The following DPP10 variants were observed in gnomAD, a reference collection of about 807,000 sequenced individuals.
DPP10 encodes the protein inactive dipeptidyl peptidase 10.
A neutral mutation model predicts 120.9 loss-of-function variants in DPP10; 33 were observed. That is an observed-to-expected ratio of 0.27 (90% CI 0.21 to 0.37). The LOEUF is 0.37. Ranked by LOEUF, DPP10 falls within the 10% of genes least tolerant of loss-of-function variation. The pLI, the probability that DPP10 is intolerant of heterozygous loss-of-function variation, is 1.00. For missense variants in DPP10, 816 were observed against 942.8 expected, an observed-to-expected ratio of 0.87 and a Z score of 1.76; for synonymous variants, 337 against 326.1, an observed-to-expected ratio of 1.03 and a Z score of -0.36.
intron 1 of DPP10, among the ~76,000 whole-genome samples, chr2:114,690,835 A>T (rs756230153): frequency 6.6e-6 from 1 of 151,514 alleles, no homozygotes; most frequent in Non-Finnish European, 1.5e-5. Context: ...AGCAGTTTTG[A>T]ATGGGAGTTC....
intron 1 of DPP10, among the ~76,000 whole-genome samples, chr2:115,006,250 A>C (rs1014043414): frequency 7.9e-5 from 12 of 152,246 alleles, no homozygotes; most frequent in African/African-American, 2.2e-4. Flanking sequence ...CCGGTACCAG[A>C]CACTGCAAAA....
At position 115,498,846 on chromosome 2, in the gene DPP10, A is replaced by G. The variant is rs188710866; in HGVS notation, c.272-664A>G. 4.6e-5 allele frequency among the ~76,000 whole-genome samples: 7 copies of G among 152,046 alleles called. No individual in the cohort carries two copies. The East Asian group carries it at 1.4e-3, about 29-fold the overall frequency. ...AAATATGGCCAAACTTACCTCAAAA[A>G]TATGTAAAAGCAATTATCTGAAAGA... On this transcript the variant is annotated intron_variant, in intron 3 of 25. Transcript: ENST00000410059.
intron 1 of DPP10, among the ~76,000 whole-genome samples, chr2:115,292,669 G>T (rs918853280): frequency 6.6e-5 from 10 of 152,066 alleles, no homozygotes; most frequent in Admixed American, 5.9e-4. Context: ...CATACTCTCA[G>T]TACATCACAA....
intron 3 of DPP10, among the ~76,000 whole-genome samples, chr2:115,485,931 G>T (rs1404361545): frequency 6.6e-6 from 1 of 151,934 alleles, no homozygotes; most frequent in Non-Finnish European, 1.5e-5. Flanking sequence ...ATAGCCAATG[G>T]TGAATTTTTA....
chr2:114,462,129 C>T (rs1678970325), intron 1 of DPP10: 1 of 985,108 alleles, frequency 1.0e-6, no homozygotes, highest in Non-Finnish European at 1.2e-6. Context: ...AAACATTATC[C>T]CGTAACACCA....
At chr2:114,858,787 C>T (rs754630835) in intron 1 of DPP10, among the ~76,000 whole-genome samples, 3 of 152,016 alleles carry the variant, frequency 2.0e-5, no homozygotes, top group African/African-American at 7.3e-5. Context: ...TTTCTCAAAA[C>T]GATCCTAGGA....
chr2:114,631,069 G>A (rs1394560728), intron 1 of DPP10, among the ~76,000 whole-genome samples: 2 of 152,088 alleles, frequency 1.3e-5, no homozygotes, highest in African/African-American at 4.8e-5. Flanking sequence ...TAAATGCCCA[G>A]AGTTTATCAG....
intron 1 of DPP10, among the ~76,000 whole-genome samples, chr2:114,774,170 A>G (rs2106163430): frequency 6.6e-6 from 1 of 152,244 alleles, no homozygotes; most frequent in South Asian, 2.1e-4. Flanking sequence ...GGATGCAGGG[A>G]TGAATAAATA....
intron 5 of DPP10, among the ~76,000 whole-genome samples, chr2:115,688,012 A>G (rs1336209975): frequency 6.8e-6 from 1 of 148,090 alleles, no homozygotes; most frequent in Non-Finnish European, 1.5e-5. Flanking sequence ...TTGGCAGCAG[A>G]GCTTTCTGAG....
At chr2:114,912,982 T>C (rs1694489670) in intron 1 of DPP10, among the ~76,000 whole-genome samples, 1 of 152,206 alleles carries the variant, frequency 6.6e-6, no homozygotes, top group Non-Finnish European at 1.5e-5. Context: ...TGTTGGCTGC[T>C]AAACTTGGAC....
At chr2:115,361,048 G>A (rs1329107845) in intron 3 of DPP10, among the ~76,000 whole-genome samples, 2 of 152,230 alleles carry the variant, frequency 1.3e-5, no homozygotes, top group East Asian at 1.9e-4. Context: ...TTTGTTCTCC[G>A]ATTGCTTGTC....
rs562556293 is a variant in DPP10 at position 114,790,575 on chromosome 2, G to T, written c.60+347737G>T. On this transcript the variant is annotated intron_variant, in intron 1 of 25. Transcript: ENST00000410059. ...CGGGCTGAGTCCGAAAAGAGAGTCCGCAAAGGGAGATAAAGGTGGGGCCGT... is the reference window on the plus strand; with the variant it reads ...CGGGCTGAGTCCGAAAAGAGAGTCCTCAAAGGGAGATAAAGGTGGGGCCGT... 1.0e-3 allele frequency among the ~76,000 whole-genome samples: 155 copies of T among 152,156 alleles called. 2 individuals carry two copies. The Middle Eastern group carries it at 0.014, about 13-fold the overall frequency.
intron 7 of DPP10, among the ~76,000 whole-genome samples, chr2:115,700,393 T>TA (rs940894671): frequency 6.0e-5 from 9 of 150,398 alleles, no homozygotes; most frequent in Non-Finnish European, 7.4e-5. Flanking sequence ...CTTATATGAC[T>TA]AAAAAAAAAC....
chr2:115,704,719 C>G (rs1451124986), intron 7 of DPP10, among the ~76,000 whole-genome samples: 1 of 151,868 alleles, frequency 6.6e-6, no homozygotes, highest in African/African-American at 2.4e-5. Flanking sequence ...AATCTGGAAG[C>G]AGGGAGCTAG....
intron 3 of DPP10, among the ~76,000 whole-genome samples, chr2:115,495,669 GA>G (rs1047659337): frequency 3.3e-5 from 5 of 151,772 alleles, no homozygotes; most frequent in East Asian, 1.9e-4. Context: ...CAAATTATGG[GA>G]AAAAAAATTG....
intron 2 of DPP10, among the ~76,000 whole-genome samples, chr2:115,312,977 A>G (rs1226872499): frequency 6.6e-6 from 1 of 152,100 alleles, no homozygotes; most frequent in East Asian, 1.9e-4. Context: ...TAATCCCAGC[A>G]CTTTGGGAGG....
chr2:115,293,136 A>C (rs2060730269), intron 1 of DPP10, among the ~76,000 whole-genome samples: 1 of 151,424 alleles, frequency 6.6e-6, no homozygotes, highest in South Asian at 2.1e-4. Flanking sequence ...GCCAAAGGAT[A>C]AATTGATAAA....
At chr2:114,768,329 A>G (rs1680927904) in intron 1 of DPP10, among the ~76,000 whole-genome samples, 1 of 152,180 alleles carries the variant, frequency 6.6e-6, no homozygotes, top group East Asian at 1.9e-4. Context: ...TGATAGTTAA[A>G]TGAGAATGGT....
intron 1 of DPP10, among the ~76,000 whole-genome samples, chr2:115,136,276 A>G (rs1396637967): frequency 5.3e-5 from 8 of 152,166 alleles, no homozygotes; most frequent in African/African-American, 1.9e-4. Context: ...ACTCTCCATT[A>G]CAGAAAATGT....
Sources: gnomAD v4.1 joint callset for allele counts (sites outside exome capture counted in the v4.1 genomes callset) on GRCh38, gnomAD v4.1.1 for gene constraint, MANE v1.5 for transcripts, NCBI Gene and HGNC (gene_info 2026-07-23, HGNC 2026-07-21) for gene names.